FRMPD4: variants seen among roughly 807,000 people sequenced by gnomAD.
The protein encoded by FRMPD4 is FERM and PDZ domain containing 4.
FRMPD4 carries 22 observed loss-of-function variants against 94.1 expected under a neutral mutation model. The observed-to-expected ratio is 0.23, with a 90% CI of 0.17 to 0.33. FRMPD4 has a LOEUF of 0.33. Among genes scored for constraint, FRMPD4 ranks in the 10% least tolerant of loss-of-function variants. The pLI, the probability that FRMPD4 is intolerant of heterozygous loss-of-function variation, is 1.00. For missense variants in FRMPD4, 1,111 were observed against 1,339.9 expected (o/e 0.83, Z 2.67); for synonymous variants, 631 against 548.6 (o/e 1.15, Z -2.10).
intron 2 of FRMPD4, among the ~76,000 whole-genome samples, chrX:12,553,696 C>T (rs1476875926): frequency 9.2e-6 from 1 of 108,622 alleles, no homozygotes. Context: ...TTTGTGGGGT[C>T]TGTGGTTTTG....
intron 3 of FRMPD4, among the ~76,000 whole-genome samples, chrX:12,101,370 T>C (rs1307211587): frequency 3.6e-5 from 4 of 111,176 alleles, no homozygotes; most frequent in Non-Finnish European, 7.5e-5. Flanking sequence ...TATTTTCCCC[T>C]CTATTGAGGG....
chrX:12,493,017 G>C (rs778298321), intron 1 of FRMPD4, among the ~76,000 whole-genome samples: 1 of 111,214 alleles, frequency 9.0e-6, no homozygotes, highest in Non-Finnish European at 1.9e-5. Flanking sequence ...TTCTCCCTGA[G>C]GGTCATGCCA....
chrX:11,866,334 C>T (rs372052275), intron 2 of FRMPD4, among the ~76,000 whole-genome samples: 1 of 111,701 alleles, frequency 9.0e-6, no homozygotes, highest in African/African-American at 3.3e-5. Context: ...AAAGGCCTTC[C>T]ACAAATTTTA....
At chrX:12,323,616 C>T (rs1337110046) in intron 1 of FRMPD4, among the ~76,000 whole-genome samples, 2 of 110,984 alleles carry the variant, frequency 1.8e-5, no homozygotes, top group Non-Finnish European at 3.8e-5. Context: ...CCTACTGCTT[C>T]CTCTTTTTGT....
chrX:12,431,977 G>A (rs763008644), intron 1 of FRMPD4, among the ~76,000 whole-genome samples: 6 of 111,998 alleles, frequency 5.4e-5, no homozygotes, highest in African/African-American at 1.6e-4. Flanking sequence ...ACAGGCCTAC[G>A]GTCTACTTAC....
chrX:12,075,136 C>G (rs2055002315), intron 3 of FRMPD4, among the ~76,000 whole-genome samples: 1 of 112,082 alleles, frequency 8.9e-6, no homozygotes. Context: ...AGGTGGAGCA[C>G]AGAGGATTTT....
chrX:11,995,320 G>A (rs1016771779), intron 3 of FRMPD4, among the ~76,000 whole-genome samples: 3 of 111,569 alleles, frequency 2.7e-5, no homozygotes, highest in African/African-American at 9.8e-5. Context: ...TCTTCACAGT[G>A]ACATACTGTA....
chrX:12,694,865 A>G (rs1307991795), intron 9 of FRMPD4, among the ~76,000 whole-genome samples: 1 of 112,419 alleles, frequency 8.9e-6, no homozygotes, highest in Admixed American at 9.4e-5. Flanking sequence ...TAACAAAGAC[A>G]TTTTCTTATA....
chrX:12,138,940 G>A lies in FRMPD4; in HGVS notation c.-32G>A. On this transcript the variant is annotated 5_prime_UTR_variant, in exon 1 of 17. Coordinates refer to ENST00000675598, the MANE Select transcript of FRMPD4 (RefSeq NM_001368397.1). ...TGCTGGCGTGAGAAGGGGCGACGGA[G>A]TTGTCGCGCTCGGGGGTCCCCAGCT... The A allele has an allele frequency of 8.8e-7, 1 of 1,134,545 alleles. No homozygotes were observed. The highest frequency in any genetic ancestry group is 1.2e-6 in the Non-Finnish European group (1 of 852,856). The allele number at this position is 1,134,545 out of a possible 1,213,427, so 93.5% of individuals were successfully genotyped here.
intron 3 of FRMPD4, among the ~76,000 whole-genome samples, chrX:11,999,448 C>T (rs2054512723): frequency 8.9e-6 from 1 of 112,177 alleles, no homozygotes; most frequent in Non-Finnish European, 1.9e-5. Context: ...AATAATGAAA[C>T]AGTAACCATT....
chrX:12,364,780 C>A (rs1423242125), intron 1 of FRMPD4, among the ~76,000 whole-genome samples: 2 of 111,967 alleles, frequency 1.8e-5, no homozygotes, highest in African/African-American at 6.5e-5. Flanking sequence ...CCCGCCCTAC[C>A]ACCAACAAAG....
chrX:12,293,800 T>C (rs1173579566), intron 1 of FRMPD4, among the ~76,000 whole-genome samples: 2 of 112,624 alleles, frequency 1.8e-5, no homozygotes, highest in Non-Finnish European at 3.7e-5. Flanking sequence ...ACAAGCCTAG[T>C]TTTTTGTTCT....
At chrX:12,267,027 T>C (rs2054287088) in intron 1 of FRMPD4, among the ~76,000 whole-genome samples, 1 of 112,439 alleles carries the variant, frequency 8.9e-6, no homozygotes, top group African/African-American at 3.2e-5. Context: ...CAAAATCATA[T>C]CCAAAAATGC....
chrX:12,169,728 A>C (rs2056187707), intron 1 of FRMPD4, among the ~76,000 whole-genome samples: 1 of 112,675 alleles, frequency 8.9e-6, no homozygotes, highest in East Asian at 2.8e-4. Context: ...TAACTTTTTG[A>C]CTAAGGCATA....
At chrX:12,436,804 T>C (rs1241733834) in intron 1 of FRMPD4, among the ~76,000 whole-genome samples, 1 of 111,697 alleles carries the variant, frequency 9.0e-6, no homozygotes, top group African/African-American at 3.2e-5. Flanking sequence ...TCAGTGTAAT[T>C]GGCATATTCA....
chrX:12,259,224 C>T (rs935672750), intron 1 of FRMPD4, among the ~76,000 whole-genome samples: 2 of 111,567 alleles, frequency 1.8e-5, no homozygotes, highest in Non-Finnish European at 1.9e-5. Context: ...GCGGGGGGTG[C>T]GTCCATTCTA....
chrX:12,125,690 T>C (rs16986717), intron 3 of FRMPD4, among the ~76,000 whole-genome samples: 5,118 of 111,860 alleles, frequency 0.046, 277 homozygotes, highest in African/African-American at 0.16. Context: ...TTTACATCCT[T>C]TGGTTTCTTC....
chrX:12,274,338 A>G (rs1030513410), intron 1 of FRMPD4, among the ~76,000 whole-genome samples: 1 of 111,672 alleles, frequency 9.0e-6, no homozygotes, highest in Non-Finnish European at 1.9e-5. Flanking sequence ...TAGCCTTGCA[A>G]CTGGGGTCCT....
rs147628217 is a variant in FRMPD4, at chrX:12,057,685, C to T, written c.95+179667C>T. 3.4e-3 allele frequency among the ~76,000 whole-genome samples: 373 copies of T among 111,288 alleles called. 2 individuals are homozygous for T. Among genetic ancestry groups the T allele is most frequent in the African/African-American group, 0.011 (351 of 30,703 alleles). ...GTGGGTCCTCTGCTCAGGATCTCATCAGGTTGCCACCAAGAGGGTGACGAG... is the reference window on the plus strand; with the variant it reads ...GTGGGTCCTCTGCTCAGGATCTCATTAGGTTGCCACCAAGAGGGTGACGAG... On this transcript the variant is annotated intron_variant, in intron 3 of 18. Coordinates refer to the FRMPD4 transcript ENST00000640291.
Sources: allele counts gnomAD v4.1 joint callset (sites outside exome capture counted in the v4.1 genomes callset), GRCh38; gene constraint gnomAD v4.1.1; transcripts MANE v1.5; gene names NCBI Gene and HGNC (gene_info 2026-07-23, HGNC 2026-07-21).